The following SETX variants were observed in gnomAD, a reference collection of about 807,000 sequenced individuals.
SETX encodes senataxin.
A neutral mutation model predicts 227.2 loss-of-function variants in SETX; 90 were observed. That is an observed-to-expected ratio of 0.40 (90% CI 0.33 to 0.47). The LOEUF (loss-of-function observed/expected upper bound fraction) is 0.47. Ranked by LOEUF, SETX falls within the 20% of genes least tolerant of loss-of-function variation. SETX has a pLI of 0.91. For missense variants in SETX, 3,052 were observed against 3,181.5 expected (o/e 0.96, Z 0.98); for synonymous variants, 1,210 against 1,113.2 (o/e 1.09, Z -1.73).
At chr9:132,350,415 G>A (rs1347160704) in intron 2 of SETX, among the ~76,000 whole-genome samples, 3 of 152,142 alleles carry the variant, frequency 2.0e-5, no homozygotes, top group Non-Finnish European at 4.4e-5. Flanking sequence ...ACATGGCAGT[G>A]TGAGATTTTT....
At chr9:132,281,663 A>G (rs1843520928) in intron 19 of SETX, 89 bp from the exon 20 acceptor site, 6 of 934,714 alleles carry the variant, frequency 6.4e-6, no homozygotes, top group Admixed American at 1.8e-5. Context: ...AACCATTCAG[A>G]AAAGTATCAC....
Position 132,336,508 on chromosome 9 carries a change from C to T in SETX, c.506G>A (p.Arg169His), listed in dbSNP as rs1350644584. Residue 169 changes from arginine to histidine, a missense_variant, in exon 6 of 26, where the codon CGT becomes CAT. Physicochemically the swap from Arg to His is conservative, Grantham distance 29. Coordinates refer to ENST00000224140, the MANE Select transcript of SETX (RefSeq NM_015046.7). ...GTTTCTTGCAGTCAAGATAGCCCAA[C>T]GCCGAACCTAAATGCAGAATATATT... is the stretch of plus-strand genomic sequence containing the variant. ...FLVHPNEMVR[R>H]WAILTARNLG... 3 of 1,610,614 alleles carry T rather than the reference C, an allele frequency of 1.9e-6. No homozygotes were observed. Among genetic ancestry groups the T allele is most frequent in the East Asian group, 2.2e-5 (1 of 44,870 alleles).
chr9:132,269,824 A>G (rs952278038), intron 24 of SETX, 122 bp from the exon 25 acceptor site: 3 of 984,928 alleles, frequency 3.0e-6, no homozygotes, highest in Non-Finnish European at 1.6e-6. Flanking sequence ...ATCTTGAATG[A>G]CTCAGTGAGC....
chr9:132,314,537 T>C (rs1205252818), intron 10 of SETX, among the ~76,000 whole-genome samples: 1 of 152,174 alleles, frequency 6.6e-6, no homozygotes, highest in Non-Finnish European at 1.5e-5. Flanking sequence ...TTTCCAAGTA[T>C]TAAAGGTCAG....
Position 132,329,745 on chromosome 9 carries a change from G to A in SETX, c.1853C>T (p.Ser618Phe), listed in dbSNP as rs1381527594. The A allele has an allele frequency of 1.2e-6, 2 of 1,614,096 alleles. No individual in the cohort carries two copies. The highest frequency in any genetic ancestry group is 1.7e-6 in the Non-Finnish European group (2 of 1,180,016). The change falls in exon 10 of 26, where the codon TCT becomes TTT. Residue 618 changes from serine to phenylalanine, a missense_variant. By Grantham distance (155) the Ser-to-Phe change is radical. This residue lies in a region of SETX where 1,483 missense variants were observed against 1,312.0 expected (regional missense o/e 1.13). Coordinates refer to ENST00000224140, the MANE Select transcript of SETX (RefSeq NM_015046.7). ...LTSACKISPA[S>F]YNKEESEQMG... ...TTGTTCACTTTCTTCTTTATTATAA[G>A]ATGCAGGAGAGATTTTACATGCAGA...
intron 3 of SETX, 126 bp downstream of exon 3, chr9:132,349,124 AAC>A: frequency 1.0e-6 from 1 of 979,632 alleles, no homozygotes; most frequent in Non-Finnish European, 1.5e-6. Context: ...ACAAAACAAA[AAC>A]AAAAAAAAAA....
chr9:132,267,606 G>A (rs1255700661), intron 25 of SETX, among the ~76,000 whole-genome samples: 1 of 152,234 alleles, frequency 6.6e-6, no homozygotes, highest in African/African-American at 2.4e-5. Context: ...AAGCCCAGCT[G>A]ACATGTCGGG....
In SETX at chr9:132,281,482, C is replaced by G; in HGVS notation, c.6639G>C (p.Pro2213=). 6.2e-7 allele frequency: 1 copy of G among 1,612,532 alleles called. No individual in the cohort carries two copies. Among genetic ancestry groups the G allele is most frequent in the Non-Finnish European group, 8.5e-7 (1 of 1,178,654 alleles). The change falls in exon 20 of 26, where the codon CCG becomes CCC. Residue 2213 remains proline (P), a synonymous_variant. Coordinates refer to ENST00000224140, the MANE Select transcript of SETX (RefSeq NM_015046.7). ...AAAAACTTACCATAGAGATGACTGT[C>G]GGAGGGAGCTGCTTAGGATCTCCTA... ...ILVGDPKQLP[P]TVISMKAQEY... is the part of the protein sequence containing the mutation.
intron 7 of SETX, among the ~76,000 whole-genome samples, chr9:132,331,895 C>T (rs1310532605): frequency 6.6e-6 from 1 of 152,114 alleles, no homozygotes; most frequent in Non-Finnish European, 1.5e-5. Context: ...ATTTACAGAT[C>T]TACATGAAGC....
chr9:132,324,085 A>T (rs561021993), intron 10 of SETX, among the ~76,000 whole-genome samples: 1 of 152,306 alleles, frequency 6.6e-6, no homozygotes, highest in Admixed American at 6.5e-5. Context: ...TTCTGTTTTT[A>T]AAAAGCTGAG....
chr9:132,349,802 C>T (rs1347147293), intron 2 of SETX, among the ~76,000 whole-genome samples: 1 of 152,158 alleles, frequency 6.6e-6, no homozygotes, highest in African/African-American at 2.4e-5. Context: ...TTACCAACTA[C>T]AAACTTAAGT....
chr9:132,298,015 G>T, intron 13 of SETX, 65 bp downstream of exon 13: 1 of 1,352,356 alleles, frequency 7.4e-7, no homozygotes, highest in Non-Finnish European at 1.1e-6. Context: ...ATACATAGCA[G>T]CTAAAAAATA....
chr9:132,267,206 G>A (rs1406582707), intron 25 of SETX, among the ~76,000 whole-genome samples: 1 of 152,214 alleles, frequency 6.6e-6, no homozygotes, highest in Non-Finnish European at 1.5e-5. Flanking sequence ...AAGGTTTGGA[G>A]AAAGTCATGT....
chr9:132,322,253 T>C (rs1846409595), intron 10 of SETX, among the ~76,000 whole-genome samples: 2 of 152,236 alleles, frequency 1.3e-5, no homozygotes, highest in Admixed American at 6.5e-5. Flanking sequence ...AAACTCACCA[T>C]TTTAAAGTGT....
At chr9:132,273,106 A>C (rs1326808042) in intron 23 of SETX, among the ~76,000 whole-genome samples, 1 of 152,108 alleles carries the variant, frequency 6.6e-6, no homozygotes, top group Non-Finnish European at 1.5e-5. Flanking sequence ...GCAAAAAACA[A>C]CACAACACTA....
chr9:132,351,132 G>C (rs1682169963), intron 2 of SETX, among the ~76,000 whole-genome samples: 1 of 152,146 alleles, frequency 6.6e-6, no homozygotes, highest in African/African-American at 2.4e-5. Flanking sequence ...CTACTAGTAA[G>C]TTAACAGCTT....
rs760050942 is a variant in SETX, at chr9:132,331,402, C to A, written c.885G>T (p.Val295=). The change falls in exon 8 of 26, where the codon GTG becomes GTT. Residue 295 remains valine, a synonymous_variant. Transcript: ENST00000224140. ...PFWPALHCFM[V]ILDRLGSKVW... ...CCTTAGATCCAAGGCGATCCAGAAT[C>A]ACCATAAAACAGTGTAACGCTGGCC... The A allele has an allele frequency of 6.2e-7, 1 of 1,613,980 alleles. No individual in the cohort carries two copies. Among genetic ancestry groups the A allele is most frequent in the African/African-American group, 1.3e-5 (1 of 74,926 alleles).
rs771454090 is a variant in SETX at position 132,272,442 on chromosome 9, C to G, written c.7101-634G>C. Among the ~76,000 whole-genome samples the G allele has an allele frequency of 3.3e-5, 5 of 151,772 alleles. No individual in the cohort carries two copies. The East Asian group carries it at 9.7e-4, about 29-fold the overall frequency. On this transcript the variant is annotated intron_variant, in intron 23 of 25. Coordinates refer to ENST00000224140, the MANE Select transcript of SETX (RefSeq NM_015046.7). ...AGGATTATAGATGTGAGCCACCATG[C>G]CTGGCCTTACAGTCTTTATTTTTAA...
At position 132,311,808 on chromosome 9, in the gene SETX, A is replaced by G. The variant is rs1845681656; in HGVS notation, c.5323T>C (p.Leu1775=). The G allele has an allele frequency of 6.2e-7, 1 of 1,613,698 alleles. No homozygotes were observed. The highest frequency in any genetic ancestry group is 8.5e-7 in the Non-Finnish European group (1 of 1,179,940). ...TCGGCAGGAAATTTTCGTACTTGCA[A>G]CTGATAGAAATTCTCTCTATTTGGA... ...NSPNRENFYQ[L]QVRKFPADYI... Residue 1775 remains leucine (L), a synonymous_variant, in exon 11 of 26, where the codon TTG becomes CTG. Coordinates refer to ENST00000224140, the MANE Select transcript of SETX (RefSeq NM_015046.7).
Sources: allele counts gnomAD v4.1 joint callset (sites outside exome capture counted in the v4.1 genomes callset), GRCh38; gene constraint gnomAD v4.1.1; regional missense constraint gnomAD v4.1.1; transcripts MANE v1.5; gene names NCBI Gene and HGNC (gene_info 2026-07-23, HGNC 2026-07-21).